The following LRFN5 variants were observed in gnomAD, a reference collection of about 807,000 sequenced individuals.
LRFN5 encodes the protein leucine rich repeat and fibronectin type III domain containing 5, also known as leucine-rich repeat and fibronectin type-III domain-containing protein 5.
Under a neutral mutation model 45.6 loss-of-function variants are expected in LRFN5, and 24 were observed. The ratio of observed to expected loss-of-function variants is 0.53; its 90% CI spans 0.38 to 0.74. LRFN5 has a LOEUF of 0.74. Among genes scored for constraint, LRFN5 ranks in the 30% least tolerant of loss-of-function variants. The probability of loss-of-function intolerance (pLI) is 0.00; values close to 1 mark genes in which losing one functional copy is unlikely to be tolerated. For synonymous variants in LRFN5, 340 were observed against 313.8 expected, an observed-to-expected ratio of 1.08 and a Z score of -0.88; for missense variants, 776 against 861.5, an observed-to-expected ratio of 0.90 and a Z score of 1.24.
chr14:41,650,095 A>G lies in LRFN5; in HGVS notation c.-197+41533A>G, dbSNP rs543025781. On this transcript the variant is annotated intron_variant, in intron 1 of 5. Transcript: ENST00000298119. ...TCAATAAACAAATTATGTGCTGGTA[A>G]AAGATATTTGCAACACAAGCCGAGC... Among the ~76,000 whole-genome samples the G allele has an allele frequency of 4.6e-5, 7 of 152,270 alleles. No homozygotes were observed. In the South Asian group the frequency reaches 1.5e-3, roughly 32 times the overall value.
intron 2 of LRFN5, among the ~76,000 whole-genome samples, chr14:41,780,110 GT>G (rs1886429966): frequency 6.6e-6 from 1 of 151,576 alleles, no homozygotes; most frequent in South Asian, 2.1e-4. Flanking sequence ...GCTTTCACTG[GT>G]TTTGTTAAGT....
rs1594690316 is a variant in LRFN5, at chr14:41,766,953, A to T, written c.-97A>T. ...TGAAATCAGCTTTGGAGATGCTTTC[A>T]CTCTGTCCGTCTTCTGCAGCAGCCA... On this transcript the variant is annotated 5_prime_UTR_variant, in exon 2 of 6. Transcript: ENST00000298119. The T allele has an allele frequency of 6.6e-6, 1 of 152,570 alleles. No homozygotes were observed. The highest frequency in any genetic ancestry group is 1.5e-5 in the Non-Finnish European group (1 of 68,012). The allele number at this position is 152,570 out of a possible 1,614,324, so 9.5% of individuals were successfully genotyped here.
At chr14:41,739,742 G>T (rs1218635743) in intron 1 of LRFN5, among the ~76,000 whole-genome samples, 1 of 150,262 alleles carries the variant, frequency 6.7e-6, no homozygotes, top group Non-Finnish European at 1.5e-5. Context: ...ATAGAGACTA[G>T]AAAAACAGTA....
rs1195155621 is a variant in LRFN5, at chr14:41,853,058, C to T, written c.-20-33548C>T. On this transcript the variant is annotated intron_variant, in intron 2 of 5. Coordinates refer to ENST00000298119, the MANE Select transcript of LRFN5 (RefSeq NM_152447.5). ...AGTCTTAGAAGAAAGACACGGAACT[C>T]GTAGGCATAAAAAGTAGTAGCTAAT... 2.0e-5 allele frequency among the ~76,000 whole-genome samples: 3 copies of T among 151,904 alleles called. No homozygotes were observed. The East Asian group carries it at 5.8e-4, about 29-fold the overall frequency.
At chr14:41,839,952 T>G (rs1271681665) in intron 2 of LRFN5, among the ~76,000 whole-genome samples, 1 of 152,140 alleles carries the variant, frequency 6.6e-6, no homozygotes, top group East Asian at 1.9e-4. Flanking sequence ...AATAGTCACA[T>G]TATCCTGGCA....
intron 1 of LRFN5, among the ~76,000 whole-genome samples, chr14:41,658,609 A>G (rs1173461451): frequency 6.6e-6 from 1 of 151,972 alleles, no homozygotes; most frequent in African/African-American, 2.4e-5. Flanking sequence ...AGTTTTACCC[A>G]TATAGCCAAT....
intron 1 of LRFN5, among the ~76,000 whole-genome samples, chr14:41,734,729 A>ATT (rs1441508641): frequency 6.6e-6 from 1 of 151,008 alleles, no homozygotes; most frequent in African/African-American, 2.4e-5. Flanking sequence ...TTTGTAGATC[A>ATT]TTTGTTATCT....
At chr14:41,722,097 T>C (rs1447134325) in intron 1 of LRFN5, among the ~76,000 whole-genome samples, 1 of 152,138 alleles carries the variant, frequency 6.6e-6, no homozygotes, top group Non-Finnish European at 1.5e-5. Context: ...TTGTCTAATT[T>C]GGCTAGTTTG....
At chr14:41,879,073 G>C (rs1295909245) in intron 2 of LRFN5, among the ~76,000 whole-genome samples, 2 of 151,660 alleles carry the variant, frequency 1.3e-5, no homozygotes, top group Non-Finnish European at 2.9e-5. Context: ...ATAGACTTTA[G>C]GGAGTAGTCC....
At chr14:41,868,822 G>A (rs192013931) in intron 2 of LRFN5, among the ~76,000 whole-genome samples, 51 of 152,272 alleles carry the variant, frequency 3.3e-4, no homozygotes, top group Non-Finnish European at 2.9e-5. Context: ...AGTACAATGA[G>A]TAATTATAAA....
intron 1 of LRFN5, among the ~76,000 whole-genome samples, chr14:41,623,532 CT>C (rs753940899): frequency 6.6e-6 from 1 of 152,014 alleles, no homozygotes; most frequent in South Asian, 2.1e-4. Context: ...AAACACACCT[CT>C]GTTTTGTAGG....
At chr14:41,875,111 ATTAATTG>A (rs1317049521) in intron 2 of LRFN5, among the ~76,000 whole-genome samples, 2 of 152,240 alleles carry the variant, frequency 1.3e-5, no homozygotes, top group Non-Finnish European at 2.9e-5. Flanking sequence ...TACTCCCCAG[ATTAATTG>A]TACTTATCTC....
intron 2 of LRFN5, among the ~76,000 whole-genome samples, chr14:41,788,523 A>G (rs2138937707): frequency 6.6e-6 from 1 of 151,560 alleles, no homozygotes; most frequent in South Asian, 2.1e-4. Context: ...TATTTACATA[A>G]AAGAGGGATA....
intron 1 of LRFN5, among the ~76,000 whole-genome samples, chr14:41,694,214 A>C (rs1297910686): frequency 6.6e-6 from 1 of 151,918 alleles, no homozygotes; most frequent in Non-Finnish European, 1.5e-5. Flanking sequence ...TTACTCTGTT[A>C]GTTATTCTGA....
At chr14:41,659,706 A>C (rs565274474) in intron 1 of LRFN5, among the ~76,000 whole-genome samples, 2 of 152,212 alleles carry the variant, frequency 1.3e-5, no homozygotes, top group African/African-American at 4.8e-5. Context: ...CATCCTCTCC[A>C]GCATCTGTTG....
chr14:41,901,134 C>A (rs1008076866), intron 5 of LRFN5, among the ~76,000 whole-genome samples: 13 of 151,570 alleles, frequency 8.6e-5, no homozygotes, highest in Admixed American at 1.3e-4. Flanking sequence ...TAATACAATT[C>A]TTTTATAATA....
intron 1 of LRFN5, among the ~76,000 whole-genome samples, chr14:41,646,985 T>G (rs1471923946): frequency 1.3e-5 from 2 of 152,204 alleles, no homozygotes; most frequent in African/African-American, 4.8e-5. Context: ...TCCTTTTGTT[T>G]TCCAGGAGTC....
At chr14:41,720,472 T>C (rs913299627) in intron 1 of LRFN5, among the ~76,000 whole-genome samples, 1 of 152,056 alleles carries the variant, frequency 6.6e-6, no homozygotes, top group Non-Finnish European at 1.5e-5. Context: ...ATTGCTAGGT[T>C]AGAAAATTAA....
chr14:41,680,379 T>G (rs575552118), intron 1 of LRFN5, among the ~76,000 whole-genome samples: 44 of 152,236 alleles, frequency 2.9e-4, no homozygotes, highest in African/African-American at 1.0e-3. Context: ...GAGGGGTGCT[T>G]GTGTCACTCC....
Sources: allele counts gnomAD v4.1 joint callset (sites outside exome capture counted in the v4.1 genomes callset), GRCh38; gene constraint gnomAD v4.1.1; transcripts MANE v1.5; gene names NCBI Gene and HGNC (gene_info 2026-07-23, HGNC 2026-07-21).